FUNDC1: variants seen among roughly 807,000 people sequenced by gnomAD.
FUNDC1 encodes FUN14 domain-containing protein 1.
FUNDC1 carries 10 observed loss-of-function variants against 14.5 expected under a neutral mutation model. The ratio of observed to expected loss-of-function variants is 0.69; its 90% CI spans 0.43 to 1.17. The LOEUF is 1.17. Among genes scored for constraint, FUNDC1 ranks in the 50% most tolerant of loss-of-function variants. The pLI is 0.00. For missense variants in FUNDC1, 115 were observed against 113.8 expected (o/e 1.01, Z -0.05); for synonymous variants, 33 against 39.7 (o/e 0.83, Z 0.64).
chrX:44,542,048 T>C lies in FUNDC1; in HGVS notation c.82A>G (p.Arg28Gly). 5 of 1,204,961 alleles carry C rather than the reference T, an allele frequency of 4.1e-6. No homozygotes were observed. Among genetic ancestry groups the C allele is most frequent in the Non-Finnish European group, 4.5e-6 (4 of 889,920 alleles). The stretch of plus-strand genomic sequence containing the variant: ...ACTCGATTCCACCACTGGTGTCTTC[T>C]TGCATACTCAGTTAAATCCAACACT... Reference protein sequence around the residue: ...YEVLDLTEYARRHQWWNRVFG... With the variant: ...YEVLDLTEYAGRHQWWNRVFG... Residue 28 changes from arginine (R) to glycine (G), a missense_variant, in exon 2 of 5, where the codon AGA (arginine) becomes GGA (glycine). Transcript: ENST00000378045.
chrX:44,535,810 A>AC (rs2038946154), intron 3 of FUNDC1, among the ~76,000 whole-genome samples: 1 of 107,308 alleles, frequency 9.3e-6, no homozygotes, highest in African/African-American at 3.4e-5. Flanking sequence ...ACATGGTGAA[A>AC]CCCCATCTCT....
chrX:44,524,463 T>C (rs2038893517), intron 4 of FUNDC1, among the ~76,000 whole-genome samples, 188 bp from the exon 5 acceptor site: 1 of 111,027 alleles, frequency 9.0e-6, no homozygotes, highest in Admixed American at 9.8e-5. Context: ...TGAAAATTAA[T>C]GTTTAATGGG....
At chrX:44,531,315 G>GAC (rs766982993) in intron 3 of FUNDC1, among the ~76,000 whole-genome samples, 972 of 18,773 alleles carry the variant, frequency 0.052, 98 homozygotes, top group Non-Finnish European at 0.062. Flanking sequence ...ATGTTGGCCA[G>GAC]ACACACACAC....
At position 44,542,786 on chromosome X, in the gene FUNDC1, T is replaced by C. The variant is rs2038978098; in HGVS notation, c.28+19A>G. ...TGTGAGCCGCGTCCCAGATACCACT[T>C]CGGGCCCTGGCCGCTCACCTTGGGG... On this transcript the variant is annotated intron_variant, in intron 1 of 4. Transcript: ENST00000378045. 1.7e-6 allele frequency: 2 copies of C among 1,164,616 alleles called. No homozygotes were observed. The highest frequency in any genetic ancestry group is 1.1e-6 in the Non-Finnish European group (1 of 870,864).
At chrX:44,536,043 C>T (rs111649228) in intron 3 of FUNDC1, among the ~76,000 whole-genome samples, 3,138 of 102,982 alleles carry the variant, frequency 0.03, 52 homozygotes, top group African/African-American at 0.051. Flanking sequence ...TGGTGGCTCA[C>T]GCCTGTAATC....
Position 44,542,812 on chromosome X carries a change from A to AG in FUNDC1, c.20dup (p.Pro8SerfsTer5), listed in dbSNP as rs1432950446. 6.0e-6 allele frequency: 7 copies of AG among 1,166,491 alleles called. No homozygotes were observed. The highest frequency in any genetic ancestry group is 1.8e-5 in the African/African-American group (1 of 55,636). On this transcript the variant is annotated frameshift_variant, in exon 1 of 5. Transcript: ENST00000378045. LOFTEE classifies it high-confidence loss of function. ...CGGGCCCTGGCCGCTCACCTTGGGGAGGGGGGTTCCGGGTCGCCATGATAC... is the reference window on the plus strand; with the variant it reads ...CGGGCCCTGGCCGCTCACCTTGGGGAGGGGGGGTTCCGGGTCGCCATGATAC...
At chrX:44,532,395 G>GA (rs746125483) in intron 3 of FUNDC1, among the ~76,000 whole-genome samples, 4,720 of 39,354 alleles carry the variant, frequency 0.12, 557 homozygotes, top group African/African-American at 0.34. Context: ...CTCTGTCTCA[G>GA]AAAAAAAAAA....
intron 2 of FUNDC1, among the ~76,000 whole-genome samples, chrX:44,539,295 T>C (rs1188162476): frequency 8.9e-6 from 1 of 112,049 alleles, no homozygotes; most frequent in Admixed American, 9.6e-5. Flanking sequence ...CCTTCTGCAC[T>C]GGGTTGAATG....
chrX:44,529,203 AAATG>A (rs1179844517), intron 3 of FUNDC1, among the ~76,000 whole-genome samples: 1 of 111,565 alleles, frequency 9.0e-6, no homozygotes, highest in African/African-American at 3.3e-5. Context: ...AATCCCCAGC[AAATG>A]AATAAAGGAA....
At chrX:44,526,759 G>A (rs1373152342) in intron 4 of FUNDC1, among the ~76,000 whole-genome samples, 2 of 109,864 alleles carry the variant, frequency 1.8e-5, no homozygotes, top group African/African-American at 3.3e-5. Context: ...GGAGGTAAAA[G>A]GATAAAACAA....
intron 2 of FUNDC1, among the ~76,000 whole-genome samples, 172 bp downstream of exon 2, chrX:44,541,773 T>G (rs933567351): frequency 4.5e-5 from 5 of 110,798 alleles, no homozygotes; most frequent in African/African-American, 1.6e-4. Context: ...TCGCCAAAAC[T>G]CAACAGGGAG....
chrX:44,540,054 A>G (rs2038964430), intron 2 of FUNDC1, among the ~76,000 whole-genome samples: 1 of 110,783 alleles, frequency 9.0e-6, no homozygotes, highest in Non-Finnish European at 1.9e-5. Context: ...TTGCTTCCAG[A>G]ACACTTTAAG....
intron 4 of FUNDC1, among the ~76,000 whole-genome samples, chrX:44,525,245 C>T (rs1009693352): frequency 5.4e-5 from 6 of 110,299 alleles, no homozygotes; most frequent in Middle Eastern, 9.3e-3. Flanking sequence ...GGGTCTCATT[C>T]TGTCAGCCAG....
Position 44,523,962 on chromosome X carries a change from G to A in FUNDC1, c.*236C>T, listed in dbSNP as rs2038891287. The A allele has an allele frequency of 1.9e-5, 6 of 309,864 alleles. No individual in the cohort carries two copies. In the South Asian group the frequency reaches 7.2e-4, roughly 37 times the overall value. 25.5% of individuals were successfully genotyped at this position (309,864 alleles called of 1,213,427 possible). The stretch of plus-strand genomic sequence containing the variant: ...CAGATGCAAATTTTTACAAAGCGAT[G>A]AAAGCCACGTTTTGCTCAGGAATAC... On this transcript the variant is annotated 3_prime_UTR_variant, in exon 5 of 5. Coordinates refer to ENST00000378045, the MANE Select transcript of FUNDC1 (RefSeq NM_173794.4).
chrX:44,533,990 G>A (rs1022568052), intron 3 of FUNDC1, among the ~76,000 whole-genome samples: 9 of 108,261 alleles, frequency 8.3e-5, no homozygotes, highest in African/African-American at 2.7e-4. Context: ...ACCTGAGCCC[G>A]GGAGGTCAAG....
chrX:44,541,117 T>C (rs1418072985), intron 2 of FUNDC1, among the ~76,000 whole-genome samples: 2 of 112,671 alleles, frequency 1.8e-5, no homozygotes, highest in Non-Finnish European at 3.7e-5. Context: ...ATTAAATCTA[T>C]GTAAGATGAA....
chrX:44,535,986 T>TA (rs778462718), intron 3 of FUNDC1, among the ~76,000 whole-genome samples: 11,168 of 82,405 alleles, frequency 0.14, 1,443 homozygotes, highest in African/African-American at 0.37. Flanking sequence ...AACTCTTGTC[T>TA]AAAAAAAAAA....
intron 3 of FUNDC1, among the ~76,000 whole-genome samples, chrX:44,531,598 C>CTA (rs1272755982): frequency 2.7e-5 from 3 of 110,095 alleles, no homozygotes; most frequent in Non-Finnish European, 5.7e-5. Flanking sequence ...TTTCCATCAA[C>CTA]TTTTAGTGCT....
chrX:44,529,145 A>G (rs2038913217), intron 3 of FUNDC1, among the ~76,000 whole-genome samples: 1 of 111,264 alleles, frequency 9.0e-6, no homozygotes, highest in Non-Finnish European at 1.9e-5. Context: ...AAAAACAAAA[A>G]ACAAACCTTA....
Sources: allele counts gnomAD v4.1 joint callset (sites outside exome capture counted in the v4.1 genomes callset), GRCh38; gene constraint gnomAD v4.1.1; transcripts MANE v1.5; gene names NCBI Gene and HGNC (gene_info 2026-07-23, HGNC 2026-07-21).